SRPK2: variants seen among roughly 807,000 people sequenced by gnomAD.
SRPK2 encodes SFRS protein kinase 2.
SRPK2 carries 21 observed loss-of-function variants against 90.8 expected under a neutral mutation model. The ratio of observed to expected loss-of-function variants is 0.23; its 90% confidence interval spans 0.16 to 0.33. SRPK2 has a LOEUF of 0.33. Ranked by LOEUF, SRPK2 falls within the 10% of genes least tolerant of loss-of-function variation. The pLI, the probability that SRPK2 is intolerant of heterozygous loss-of-function variation, is 1.00. For synonymous variants in SRPK2, 288 were observed against 311.1 expected, an observed-to-expected ratio of 0.93 and a Z score of 0.78; for missense variants, 620 against 869.0, an observed-to-expected ratio of 0.71 and a Z score of 3.60.
At chr7:105,295,877 G>C (rs187977822) in intron 2 of SRPK2, among the ~76,000 whole-genome samples, 17 of 152,240 alleles carry the variant, frequency 1.1e-4, no homozygotes, top group African/African-American at 3.9e-4. Context: ...CAGATACTGA[G>C]GATTAAGAAT....
At chr7:105,205,760 C>T (rs570895825) in intron 2 of SRPK2, among the ~76,000 whole-genome samples, 2 of 152,210 alleles carry the variant, frequency 1.3e-5, no homozygotes, top group African/African-American at 2.4e-5. Context: ...ACTTCCCCAG[C>T]GGGAGGAAAA....
chr7:105,358,270 C>T (rs1195187564), intron 2 of SRPK2, among the ~76,000 whole-genome samples: 1 of 150,762 alleles, frequency 6.6e-6, no homozygotes, highest in Non-Finnish European at 1.5e-5. Flanking sequence ...CTTCTGACTC[C>T]CCAAAAACCA....
intron 2 of SRPK2, among the ~76,000 whole-genome samples, chr7:105,208,231 G>C (rs1437817134): frequency 1.3e-5 from 2 of 152,094 alleles, no homozygotes; most frequent in East Asian, 1.9e-4. Context: ...AAAACGGTCT[G>C]GCAGTTCCTC....
chr7:105,142,637 C>A, intron 10 of SRPK2, 147 bp from the exon 11 acceptor site: 1 of 1,116,862 alleles, frequency 9.0e-7, no homozygotes, highest in Non-Finnish European at 1.2e-6. Context: ...GTAAAACCTT[C>A]AGGTTTTCTA....
At chr7:105,186,553 T>G (rs1793603357) in intron 3 of SRPK2, among the ~76,000 whole-genome samples, 2 of 152,210 alleles carry the variant, frequency 1.3e-5, no homozygotes, top group African/African-American at 4.8e-5. Context: ...TTTATTGATT[T>G]CTTGTTGCTG....
chr7:105,200,920 GC>G (rs1217785520), intron 3 of SRPK2, among the ~76,000 whole-genome samples: 2 of 152,182 alleles, frequency 1.3e-5, no homozygotes, highest in African/African-American at 4.8e-5. Context: ...TACCTGATAA[GC>G]CCGAGGTCTG....
At chr7:105,330,955 C>T (rs1452177616) in intron 2 of SRPK2, among the ~76,000 whole-genome samples, 17 of 152,088 alleles carry the variant, frequency 1.1e-4, no homozygotes. Context: ...GATTCTGCCA[C>T]TGCATTCCAA....
intron 2 of SRPK2, chr7:105,244,875 A>T: frequency 7.7e-7 from 1 of 1,303,564 alleles, no homozygotes; most frequent in Non-Finnish European, 1.1e-6. Flanking sequence ...GTTCATCAAG[A>T]AAAGGGTGTG....
At chr7:105,172,045 C>CA (rs958938975) in intron 3 of SRPK2, among the ~76,000 whole-genome samples, 4 of 152,092 alleles carry the variant, frequency 2.6e-5, no homozygotes, top group African/African-American at 9.7e-5. Flanking sequence ...AGGCTTGCAC[C>CA]ACCACACCTG....
chr7:105,311,128 AT>A (rs1450359623), intron 2 of SRPK2, among the ~76,000 whole-genome samples: 8 of 152,342 alleles, frequency 5.3e-5, no homozygotes, highest in African/African-American at 1.9e-4. Flanking sequence ...ATGAAAAAAA[AT>A]ATCTGCACAT....
At chr7:105,151,031 C>CA (rs1347915920) in intron 7 of SRPK2, among the ~76,000 whole-genome samples, 4 of 152,024 alleles carry the variant, frequency 2.6e-5, no homozygotes, top group African/African-American at 9.7e-5. Flanking sequence ...CATGAGGTCC[C>CA]AATGACAATG....
At chr7:105,371,396 T>C (rs898312191) in intron 2 of SRPK2, among the ~76,000 whole-genome samples, 3 of 151,928 alleles carry the variant, frequency 2.0e-5, no homozygotes, top group African/African-American at 7.2e-5. Flanking sequence ...CCCACTGTTT[T>C]GCAAACAGGT....
intron 2 of SRPK2, among the ~76,000 whole-genome samples, chr7:105,279,421 G>A (rs1042292994): frequency 7.2e-5 from 11 of 152,152 alleles, no homozygotes; most frequent in African/African-American, 2.7e-4. Flanking sequence ...AAGGAAAGGG[G>A]TTTGCTGCTG....
intron 2 of SRPK2, among the ~76,000 whole-genome samples, chr7:105,277,068 C>G (rs1806605019): frequency 6.7e-6 from 1 of 149,036 alleles, no homozygotes. Flanking sequence ...CTTGGTGTCT[C>G]CAACTTATTA....
chr7:105,329,501 G>C (rs2131662269), intron 2 of SRPK2, among the ~76,000 whole-genome samples: 1 of 152,032 alleles, frequency 6.6e-6, no homozygotes, highest in South Asian at 2.1e-4. Context: ...GCTGAGGTGG[G>C]GAGAATCACT....
chr7:105,338,495 C>G (rs1815380121), intron 2 of SRPK2, among the ~76,000 whole-genome samples: 1 of 152,118 alleles, frequency 6.6e-6, no homozygotes, highest in Non-Finnish European at 1.5e-5. Context: ...GGATCCACCT[C>G]AGGTGATCCA....
At chr7:105,273,625 T>C (rs1443402314) in intron 2 of SRPK2, among the ~76,000 whole-genome samples, 1 of 152,030 alleles carries the variant, frequency 6.6e-6, no homozygotes, top group East Asian at 1.9e-4. Context: ...GTCCCAAATG[T>C]TACCTCCACA....
chr7:105,358,245 A>AAC lies in SRPK2; in HGVS notation c.71+30402_71+30403insGT, dbSNP rs1214079166. Among the ~76,000 whole-genome samples the AAC allele has an allele frequency of 7.3e-4, 110 of 150,352 alleles. 1 individual carries two copies. Among genetic ancestry groups the AAC allele is most frequent in the African/African-American group, 2.6e-3 (105 of 40,852 alleles). On this transcript the variant is annotated intron_variant, in intron 2 of 15. Coordinates refer to ENST00000393651, the MANE Select transcript of SRPK2 (RefSeq NM_182692.3). ...TCTCAAAAAAAAAAAAAAAAAAAAA[A>AAC]CACCCCACGTACAACTTCTGACTCC... is the stretch of plus-strand genomic sequence containing the variant.
intron 2 of SRPK2, among the ~76,000 whole-genome samples, chr7:105,378,083 C>T (rs999996295): frequency 6.6e-6 from 1 of 152,152 alleles, no homozygotes; most frequent in Non-Finnish European, 1.5e-5. Flanking sequence ...CCACACCCTG[C>T]ACTCCAGCCC....
Sources: gnomAD v4.1 joint callset for allele counts (sites outside exome capture counted in the v4.1 genomes callset) on GRCh38, gnomAD v4.1.1 for gene constraint, MANE v1.5 for transcripts, NCBI Gene and HGNC (gene_info 2026-07-23, HGNC 2026-07-21) for gene names.